Variants in CSMD1 observed in about 807,000 individuals in gnomAD.
CSMD1 encodes the protein CUB and sushi domain-containing protein 1.
CSMD1 carries 213 observed loss-of-function variants against 417.5 expected under a neutral mutation model. The ratio of observed to expected loss-of-function variants is 0.51; its 90% CI spans 0.46 to 0.57. The LOEUF is 0.57. Ranked by LOEUF, CSMD1 falls within the 20% of genes least tolerant of loss-of-function variation. The pLI is 0.00. For missense variants in CSMD1, 6,923 were observed against 4,529.7 expected, an observed-to-expected ratio of 1.53 and a Z score of -15.17; for synonymous variants, 2,862 against 1,736.8, an observed-to-expected ratio of 1.65 and a Z score of -16.11.
intron 52 of CSMD1, among the ~76,000 whole-genome samples, chr8:3,017,747 T>A (rs1808967362): frequency 6.8e-6 from 1 of 147,830 alleles, no homozygotes; most frequent in Non-Finnish European, 1.5e-5. Flanking sequence ...CCTGAAGTGA[T>A]CTTTGCCCAT....
At chr8:4,323,272 T>G (rs1404196229) in intron 3 of CSMD1, among the ~76,000 whole-genome samples, 1 of 152,170 alleles carries the variant, frequency 6.6e-6, no homozygotes, top group Non-Finnish European at 1.5e-5. Context: ...GGAAGTTCTG[T>G]AGCAGGTTCA....
intron 3 of CSMD1, among the ~76,000 whole-genome samples, chr8:4,315,102 G>T (rs1055835065): frequency 6.6e-6 from 1 of 152,114 alleles, no homozygotes; most frequent in African/African-American, 2.4e-5. Flanking sequence ...GAAGAGGACA[G>T]GGCTTCTTAC....
At chr8:3,372,726 T>A (rs891721995) in intron 18 of CSMD1, among the ~76,000 whole-genome samples, 2 of 152,096 alleles carry the variant, frequency 1.3e-5, no homozygotes, top group Non-Finnish European at 2.9e-5. Context: ...AAGCTCCAAG[T>A]CTGCTGGGCT....
At chr8:3,964,883 G>A (rs181224284) in intron 5 of CSMD1, among the ~76,000 whole-genome samples, 2 of 152,224 alleles carry the variant, frequency 1.3e-5, no homozygotes, top group African/African-American at 2.4e-5. Flanking sequence ...TGCATATTAT[G>A]CCTACTTTTA....
At chr8:4,085,845 A>G (rs963972912) in intron 3 of CSMD1, among the ~76,000 whole-genome samples, 2 of 152,174 alleles carry the variant, frequency 1.3e-5, no homozygotes, top group Non-Finnish European at 2.9e-5. Flanking sequence ...CTGTGTCCCC[A>G]GAGTTTCCCT....
intron 1 of CSMD1, among the ~76,000 whole-genome samples, chr8:4,800,130 T>C (rs1798197003): frequency 1.3e-5 from 2 of 152,140 alleles, no homozygotes; most frequent in South Asian, 2.1e-4. Flanking sequence ...TCCTATATAA[T>C]TGTTATTAAT....
intron 49 of CSMD1, among the ~76,000 whole-genome samples, chr8:3,086,132 T>C (rs1023379068): frequency 6.6e-6 from 1 of 152,086 alleles, no homozygotes; most frequent in African/African-American, 2.4e-5. Context: ...AACAGAGTCA[T>C]AGAACATTTA....
intron 1 of CSMD1, among the ~76,000 whole-genome samples, chr8:4,863,379 C>G (rs1253451667): frequency 6.6e-6 from 1 of 151,972 alleles, no homozygotes; most frequent in Non-Finnish European, 1.5e-5. Context: ...TGAATGCAAG[C>G]CTTAAGTAAA....
At chr8:3,875,016 A>T (rs2129116144) in intron 5 of CSMD1, among the ~76,000 whole-genome samples, 1 of 152,244 alleles carries the variant, frequency 6.6e-6, no homozygotes, top group Non-Finnish European at 1.5e-5. Context: ...AGAAGAATGG[A>T]TGCAAGCACA....
intron 23 of CSMD1, among the ~76,000 whole-genome samples, chr8:3,322,896 G>A (rs893104935): frequency 1.3e-5 from 2 of 152,230 alleles, no homozygotes; most frequent in African/African-American, 4.8e-5. Flanking sequence ...AGGAAGTGCT[G>A]TGATTCCTAG....
At chr8:4,878,607 G>C (rs1318982785) in intron 1 of CSMD1, among the ~76,000 whole-genome samples, 1 of 151,886 alleles carries the variant, frequency 6.6e-6, no homozygotes, top group East Asian at 1.9e-4. Flanking sequence ...TCACCAGTTA[G>C]TAGAGGTGCT....
At chr8:4,680,743 C>G (rs1805986249) in intron 1 of CSMD1, among the ~76,000 whole-genome samples, 1 of 151,992 alleles carries the variant, frequency 6.6e-6, no homozygotes, top group Admixed American at 6.6e-5. Flanking sequence ...CCACACCCAG[C>G]TATTTTTTGT....
intron 52 of CSMD1, among the ~76,000 whole-genome samples, chr8:3,010,305 T>C (rs945282546): frequency 6.6e-6 from 1 of 152,208 alleles, no homozygotes; most frequent in African/African-American, 2.4e-5. Flanking sequence ...CATTCTAATT[T>C]TTCGTACCTA....
chr8:3,772,173 T>TAC (rs1443134705), intron 5 of CSMD1, among the ~76,000 whole-genome samples: 3 of 63,950 alleles, frequency 4.7e-5, no homozygotes, highest in Non-Finnish European at 1.1e-4. Flanking sequence ...GCAACATATA[T>TAC]ATATATATAT....
intron 48 of CSMD1, among the ~76,000 whole-genome samples, chr8:3,090,098 A>G (rs1037353864): frequency 1.3e-5 from 2 of 151,766 alleles, no homozygotes; most frequent in Non-Finnish European, 2.9e-5. Flanking sequence ...CCGGATCACA[A>G]GGTCAGGAGA....
At chr8:3,226,517 G>A (rs967460372) in intron 27 of CSMD1, among the ~76,000 whole-genome samples, 1 of 150,570 alleles carries the variant, frequency 6.6e-6, no homozygotes, top group Non-Finnish European at 1.5e-5. Context: ...TGGGAGCGGA[G>A]GCTGCAGTGA....
chr8:3,262,180 T>G (rs556301280), intron 26 of CSMD1, among the ~76,000 whole-genome samples: 42 of 94,328 alleles, frequency 4.5e-4, no homozygotes, highest in African/African-American at 1.8e-3. Flanking sequence ...ATTATGCTCA[T>G]ATGAATATAT....
chr8:4,350,624 A>C (rs1801037286), intron 3 of CSMD1, among the ~76,000 whole-genome samples: 1 of 152,198 alleles, frequency 6.6e-6, no homozygotes, highest in Non-Finnish European at 1.5e-5. Context: ...GACCTGGGCA[A>C]TGGGCTAGAG....
chr8:4,909,342 C>A (rs1020823091), intron 1 of CSMD1, among the ~76,000 whole-genome samples: 1 of 152,158 alleles, frequency 6.6e-6, no homozygotes, highest in African/African-American at 2.4e-5. Context: ...TCCTTGCCTT[C>A]TACTACTTTT....
Sources: allele counts gnomAD v4.1 joint callset (sites outside exome capture counted in the v4.1 genomes callset), GRCh38; gene constraint gnomAD v4.1.1; transcripts MANE v1.5; gene names NCBI Gene and HGNC (gene_info 2026-07-23, HGNC 2026-07-21).